FAM184B: variants seen among roughly 807,000 people sequenced by gnomAD.
FAM184B encodes the protein protein FAM184B.
Under a neutral mutation model 135.9 loss-of-function variants are expected in FAM184B, and 111 were observed. That is an observed-to-expected ratio of 0.82 (90% CI 0.70 to 0.96). The LOEUF (loss-of-function observed/expected upper bound fraction) is 0.96. FAM184B is among the 40% of genes least tolerant of loss of function. The pLI is 0.00. For missense variants in FAM184B, 1,375 were observed against 1,323.9 expected (o/e 1.04, Z -0.60); for synonymous variants, 552 against 524.8 (o/e 1.05, Z -0.71).
intron 1 of FAM184B, among the ~76,000 whole-genome samples, chr4:17,747,745 C>T (rs1024786700): frequency 2.6e-5 from 4 of 151,662 alleles, no homozygotes; most frequent in Non-Finnish European, 5.9e-5. Flanking sequence ...CACGATGAAA[C>T]CCCGTCTCTA....
intron 7 of FAM184B, among the ~76,000 whole-genome samples, chr4:17,684,693 G>A (rs775524796): frequency 1.3e-5 from 2 of 152,050 alleles, no homozygotes; most frequent in East Asian, 1.9e-4. Context: ...GATATTTGTC[G>A]AGGTTCTTGC....
intron 13 of FAM184B, among the ~76,000 whole-genome samples, chr4:17,639,710 G>C (rs1000926152): frequency 3.9e-5 from 6 of 152,128 alleles, no homozygotes; most frequent in African/African-American, 1.4e-4. Flanking sequence ...TCTTCACTTG[G>C]GACAGGCGGG....
chr4:17,658,446 C>T lies in FAM184B; in HGVS notation c.1941G>A (p.Glu647=). The change falls in exon 10 of 18, where the codon GAG becomes GAA. Residue 647 remains glutamate (E), a synonymous_variant. Transcript: ENST00000265018. ...TCATGGCGTGGTTCTGCTGAGTGGTCTCCTGGAGCTCACGCTGCAGCTTCT... is the reference window on the plus strand; with the variant it reads ...TCATGGCGTGGTTCTGCTGAGTGGTTTCCTGGAGCTCACGCTGCAGCTTCT... ...EREKLQRELQ[E]TTQQNHAMKA... is the part of the protein sequence containing the mutation. 14 of 1,551,436 alleles carry T rather than the reference C, an allele frequency of 9.0e-6. No homozygotes were observed. The highest frequency in any genetic ancestry group is 1.2e-5 in the Non-Finnish European group (14 of 1,146,834).
intron 13 of FAM184B, among the ~76,000 whole-genome samples, chr4:17,640,622 T>A (rs992548715): frequency 2.6e-5 from 4 of 151,574 alleles, no homozygotes; most frequent in African/African-American, 7.3e-5. Flanking sequence ...ACAAAAAAAA[T>A]TATGAGCAAT....
rs1309291275 is a variant in FAM184B, at chr4:17,688,544, A to C, written c.1489-13T>G. 6.5e-7 allele frequency: 1 copy of C among 1,531,418 alleles called. No homozygotes were observed. Among genetic ancestry groups the C allele is most frequent in the Non-Finnish European group, 8.8e-7 (1 of 1,134,302 alleles). 94.9% of individuals were successfully genotyped at this position (1,531,418 alleles called of 1,614,324 possible). ...CCAGCCTTAAAACCTAAAACAGGAGATAAGAAACACCACACAATGAAACCA... is the reference window on the plus strand; with the variant it reads ...CCAGCCTTAAAACCTAAAACAGGAGCTAAGAAACACCACACAATGAAACCA... On this transcript the variant is annotated splice_polypyrimidine_tract_variant and intron_variant, in intron 6 of 17. Coordinates refer to ENST00000265018, the MANE Select transcript of FAM184B (RefSeq NM_015688.2).
At chr4:17,691,914 G>A (rs775063950) in intron 6 of FAM184B, among the ~76,000 whole-genome samples, 6 of 151,946 alleles carry the variant, frequency 3.9e-5, no homozygotes, top group South Asian at 4.1e-4. Context: ...TTAGCCAGGC[G>A]TGGTGGCAGG....
chr4:17,680,096 T>C (rs1716401489), intron 7 of FAM184B, among the ~76,000 whole-genome samples: 1 of 152,134 alleles, frequency 6.6e-6, no homozygotes, highest in Non-Finnish European at 1.5e-5. Flanking sequence ...AGGTGATGGG[T>C]GCACCAACAT....
Position 17,707,681 on chromosome 4 carries a change from A to T in FAM184B, c.998T>A (p.Met333Lys). Reference sequence around the variant, plus strand: ...CTGTGTCCCACGACACTCCTGCAGCATCATTCTGTCTTTGGCAACAGCCAG... The same window carrying T: ...CTGTGTCCCACGACACTCCTGCAGCTTCATTCTGTCTTTGGCAACAGCCAG... ...EKLAVAKDRM[M>K]LQECRGTQQT... The change falls in exon 3 of 18, where the codon ATG (methionine) becomes AAG (lysine). Residue 333 changes from methionine (M) to lysine (K), a missense_variant. Met to Lys is a moderately conservative substitution (Grantham distance 95). Coordinates refer to ENST00000265018, the MANE Select transcript of FAM184B (RefSeq NM_015688.2). 1 of 1,551,828 alleles carries T rather than the reference A, an allele frequency of 6.4e-7. No individual in the cohort carries two copies. Among genetic ancestry groups the T allele is most frequent in the South Asian group, 1.2e-5 (1 of 84,066 alleles).
At chr4:17,685,115 G>A (rs2108954770) in intron 7 of FAM184B, among the ~76,000 whole-genome samples, 2 of 150,798 alleles carry the variant, frequency 1.3e-5, no homozygotes, top group East Asian at 3.9e-4. Context: ...CCTAAGTGAT[G>A]GGTTGATAGG....
intron 7 of FAM184B, among the ~76,000 whole-genome samples, chr4:17,671,651 G>A (rs1475749517): frequency 2.0e-5 from 3 of 151,966 alleles, no homozygotes; most frequent in Admixed American, 6.6e-5. Flanking sequence ...AAAAGAACAA[G>A]ATAAATCTCC....
intron 1 of FAM184B, among the ~76,000 whole-genome samples, chr4:17,765,532 T>TTAGC (rs201724486): frequency 0.049 from 6,875 of 139,942 alleles, 497 homozygotes; most frequent in African/African-American, 0.21. Flanking sequence ...TTCACAGTTC[T>TTAGC]TAGCAGCATA....
chr4:17,705,927 C>T, intron 3 of FAM184B, 36 bp from the exon 4 acceptor site: 1 of 1,551,072 alleles, frequency 6.4e-7, no homozygotes, highest in Non-Finnish European at 8.7e-7. Flanking sequence ...TTGGAATGCT[C>T]TTGGCCATGG....
At chr4:17,635,151 C>G (rs1336019248) in intron 15 of FAM184B, 38 bp from the exon 16 acceptor site, 1 of 1,469,802 alleles carries the variant, frequency 6.8e-7, no homozygotes, top group African/African-American at 1.4e-5. Context: ...ATGAGCCTAA[C>G]CACACAGCAC....
chr4:17,717,034 C>T (rs1200435754), intron 1 of FAM184B, among the ~76,000 whole-genome samples: 1 of 152,126 alleles, frequency 6.6e-6, no homozygotes, highest in Admixed American at 6.5e-5. Flanking sequence ...TGGTCTAGAT[C>T]TTCTGACTTC....
chr4:17,708,676 T>C (rs1229696119), intron 2 of FAM184B, among the ~76,000 whole-genome samples: 8 of 31,674 alleles, frequency 2.5e-4, no homozygotes, highest in African/African-American at 1.1e-3. Flanking sequence ...TATATATATA[T>C]ATATATATAT....
chr4:17,747,455 GGAGAA>G lies in FAM184B; in HGVS notation c.141+33699_141+33703del, dbSNP rs767123613. Reference sequence around the variant, plus strand: ...GTAGAGGTTGGTACTTCCGAAGTCTGGAGAAGAGCTCTCTTATCTAAACAAAATAC... The same window carrying G: ...GTAGAGGTTGGTACTTCCGAAGTCTGGAGCTCTCTTATCTAAACAAAATAC... On this transcript the variant is annotated intron_variant, in intron 1 of 17. Coordinates refer to ENST00000265018, the MANE Select transcript of FAM184B (RefSeq NM_015688.2). 2.0e-5 allele frequency among the ~76,000 whole-genome samples: 3 copies of G among 152,122 alleles called. No homozygotes were observed. In the East Asian group the frequency reaches 5.8e-4, roughly 29 times the overall value.
At chr4:17,743,357 A>T (rs1199179126) in intron 1 of FAM184B, among the ~76,000 whole-genome samples, 2 of 152,186 alleles carry the variant, frequency 1.3e-5, no homozygotes, top group African/African-American at 4.8e-5. Context: ...ATGAAATGAG[A>T]AGACCTGGAG....
rs1285015810 is a variant in FAM184B, at chr4:17,707,635, C to T, written c.1030+14G>A. The stretch of plus-strand genomic sequence containing the variant: ...CCTTGGGTCTTTTAAGGAAATCATT[C>T]CAGGGCATCTCACCTGTCTGCTGTG... On this transcript the variant is annotated intron_variant, in intron 3 of 17. Coordinates refer to ENST00000265018, the MANE Select transcript of FAM184B (RefSeq NM_015688.2). 7 of 1,551,316 alleles carry T rather than the reference C, an allele frequency of 4.5e-6. No homozygotes were observed. In the South Asian group the frequency reaches 7.1e-5, roughly 16 times the overall value.
At chr4:17,701,751 C>A (rs1045502454) in intron 5 of FAM184B, among the ~76,000 whole-genome samples, 8 of 152,130 alleles carry the variant, frequency 5.3e-5, no homozygotes, top group Admixed American at 3.9e-4. Flanking sequence ...GCTGTACTGA[C>A]CAACCGAACT....
Sources: allele counts gnomAD v4.1 joint callset (sites outside exome capture counted in the v4.1 genomes callset), GRCh38; gene constraint gnomAD v4.1.1; transcripts MANE v1.5; gene names NCBI Gene and HGNC (gene_info 2026-07-23, HGNC 2026-07-21).